FOXP1: variants seen among roughly 807,000 people sequenced by gnomAD.
FOXP1 encodes the protein forkhead box P1, also known as forkhead box protein P1.
A neutral mutation model predicts 98.2 loss-of-function variants in FOXP1; 15 were observed. The ratio of observed to expected loss-of-function variants is 0.15; its 90% CI spans 0.10 to 0.24. The LOEUF (loss-of-function observed/expected upper bound fraction) is 0.24. Ranked by LOEUF, FOXP1 falls within the 10% of genes least tolerant of loss-of-function variation. The probability of loss-of-function intolerance (pLI) is 1.00; values close to 1 mark genes in which losing one functional copy is unlikely to be tolerated. For synonymous variants in FOXP1, 371 were observed against 314.5 expected (o/e 1.18, Z -1.90); for missense variants, 633 against 848.5 (o/e 0.75, Z 3.15).
chr3:71,227,540 A>C (rs1321180999), intron 5 of FOXP1, among the ~76,000 whole-genome samples: 1 of 152,112 alleles, frequency 6.6e-6, no homozygotes, highest in Non-Finnish European at 1.5e-5. Flanking sequence ...ATTTCCTGAG[A>C]CTTCTAGACA....
chr3:71,289,878 C>T (rs1331636136), intron 5 of FOXP1: 1 of 152,152 alleles, frequency 6.6e-6, no homozygotes, highest in East Asian at 1.9e-4. Flanking sequence ...ATCTCAAACT[C>T]CTGGTCTCAA....
chr3:71,382,953 T>C (rs1349865839), intron 3 of FOXP1, among the ~76,000 whole-genome samples: 1 of 152,246 alleles, frequency 6.6e-6, no homozygotes, highest in Non-Finnish European at 1.5e-5. Flanking sequence ...AAATACATCT[T>C]ACATATTTAG....
intron 4 of FOXP1, among the ~76,000 whole-genome samples, chr3:71,337,635 A>G (rs1032100906): frequency 2.0e-5 from 3 of 152,232 alleles, no homozygotes; most frequent in African/African-American, 7.2e-5. Context: ...AAGATTGATC[A>G]ATGATATGAA....
chr3:71,541,487 T>C (rs2044808220), intron 2 of FOXP1, among the ~76,000 whole-genome samples: 1 of 152,160 alleles, frequency 6.6e-6, no homozygotes, highest in Non-Finnish European at 1.5e-5. Context: ...CAGGTTACAG[T>C]GTGAAGGACA....
chr3:71,340,601 T>C lies in FOXP1; in HGVS notation c.-73+18549A>G, dbSNP rs139465125. On this transcript the variant is annotated intron_variant, in intron 4 of 20. Coordinates refer to ENST00000649528, the MANE Select transcript of FOXP1 (RefSeq NM_001349338.3). ...TGTTTGTATTGAGTTAGTCCATGTC[T>C]ACACAGAGTAAGTGAATAGTGGAGA... Among the ~76,000 whole-genome samples, 266 of 152,332 alleles carry C rather than the reference T, an allele frequency of 1.7e-3. 2 individuals carry two copies. The highest frequency in any genetic ancestry group is 5.9e-3 in the African/African-American group (244 of 41,576).
chr3:71,500,057 C>T (rs2041220236), intron 2 of FOXP1, among the ~76,000 whole-genome samples: 2 of 152,216 alleles, frequency 1.3e-5, no homozygotes, highest in Admixed American at 1.3e-4. Flanking sequence ...CACCAACCTC[C>T]ATGGTTTGGG....
intron 3 of FOXP1, among the ~76,000 whole-genome samples, chr3:71,370,798 G>GT (rs71621937): frequency 0.54 from 69,422 of 128,384 alleles, 20,412 homozygotes; most frequent in East Asian, 0.87. Context: ...TTTTTTTGTT[G>GT]TTTTTTTTTT....
At chr3:70,979,033 G>T (rs2038198257) in intron 14 of FOXP1, among the ~76,000 whole-genome samples, 1 of 152,056 alleles carries the variant, frequency 6.6e-6, no homozygotes, top group South Asian at 2.1e-4. Context: ...TTGGGAGGCT[G>T]AGGTGGGAGG....
chr3:71,160,100 A>T (rs1365060982), intron 6 of FOXP1, among the ~76,000 whole-genome samples: 1 of 152,242 alleles, frequency 6.6e-6, no homozygotes, highest in Non-Finnish European at 1.5e-5. Flanking sequence ...TGTCCCAATC[A>T]ACCAAAGGGC....
At chr3:71,570,506 T>C (rs1467316723) in intron 2 of FOXP1, 1 of 152,210 alleles carries the variant, frequency 6.6e-6, no homozygotes, top group Admixed American at 6.5e-5. Context: ...TCCCTGGGAT[T>C]TTCCCATTCG....
chr3:71,547,020 T>C (rs535335012), intron 2 of FOXP1, among the ~76,000 whole-genome samples: 1 of 152,222 alleles, frequency 6.6e-6, no homozygotes, highest in East Asian at 1.9e-4. Flanking sequence ...AAACAAATTG[T>C]GAAATCTAGA....
At chr3:71,245,285 A>G (rs893133300) in intron 5 of FOXP1, 1 of 152,162 alleles carries the variant, frequency 6.6e-6, no homozygotes, top group African/African-American at 2.4e-5. Context: ...CATAGTTGCA[A>G]TGAAATGGAA....
chr3:71,470,855 A>G (rs372864443), intron 3 of FOXP1, among the ~76,000 whole-genome samples: 32 of 152,360 alleles, frequency 2.1e-4, no homozygotes, highest in Non-Finnish European at 7.4e-5. Flanking sequence ...CTTGAATGGC[A>G]TAAGCTTCTG....
chr3:71,414,239 C>G (rs1043788082), intron 3 of FOXP1, among the ~76,000 whole-genome samples: 7 of 152,240 alleles, frequency 4.6e-5, no homozygotes, highest in Non-Finnish European at 8.8e-5. Flanking sequence ...TTTCCTGTTT[C>G]CAGGCTCTGC....
At chr3:71,548,385 T>C (rs529050380) in intron 2 of FOXP1, among the ~76,000 whole-genome samples, 6 of 151,892 alleles carry the variant, frequency 4.0e-5, no homozygotes, top group African/African-American at 7.3e-5. Context: ...GTATTTCCTG[T>C]CCCCCTTCCT....
chr3:71,506,535 G>A (rs762530575), intron 2 of FOXP1, among the ~76,000 whole-genome samples: 2 of 152,224 alleles, frequency 1.3e-5, no homozygotes, highest in African/African-American at 4.8e-5. Flanking sequence ...GGGGTTCCAC[G>A]GTATCCTTCC....
chr3:71,188,400 T>G (rs986666810), intron 6 of FOXP1, among the ~76,000 whole-genome samples: 1 of 151,746 alleles, frequency 6.6e-6, no homozygotes, highest in South Asian at 2.1e-4. Context: ...TGCCTCTTTT[T>G]TTCTTTATTT....
At chr3:70,966,453 T>C (rs999278463) in intron 19 of FOXP1, 7 of 281,364 alleles carry the variant, frequency 2.5e-5, no homozygotes, top group Admixed American at 2.3e-4. Flanking sequence ...GACTCCAGTA[T>C]TGGATATTAG....
intron 13 of FOXP1, among the ~76,000 whole-genome samples, chr3:71,000,453 T>C (rs868232605): frequency 1.3e-5 from 2 of 152,118 alleles, no homozygotes; most frequent in African/African-American, 4.8e-5. Flanking sequence ...ATAACTTCCA[T>C]TGCGACTTGG....
Sources: gnomAD v4.1 joint callset for allele counts (sites outside exome capture counted in the v4.1 genomes callset) on GRCh38, gnomAD v4.1.1 for gene constraint, MANE v1.5 for transcripts, NCBI Gene and HGNC (gene_info 2026-07-23, HGNC 2026-07-21) for gene names.